Variants in CLIC3 observed in about 807,000 individuals in gnomAD.
CLIC3 encodes CLIC family member 3.
CLIC3 carries 29 observed loss-of-function variants against 19.9 expected under a neutral mutation model. That is an observed-to-expected ratio of 1.46 (90% confidence interval 1.09 to 1.99). The LOEUF (loss-of-function observed/expected upper bound fraction) is 1.99. CLIC3 is among the 30% of genes most tolerant of loss of function. The pLI is 0.00. For missense variants in CLIC3, 365 were observed against 342.6 expected, an observed-to-expected ratio of 1.07 and a Z score of -0.52; for synonymous variants, 143 against 156.4, an observed-to-expected ratio of 0.91 and a Z score of 0.64.
rs1242313237 is a variant in CLIC3, at chr9:136,994,804, G to A, written c.588C>T (p.Pro196=). Residue 196 remains proline, a synonymous_variant, in exon 6 of 6, where the codon CCC becomes CCT. Transcript: ENST00000494426. The part of the protein sequence containing the change: ...VCAHFRQAPI[P]AELRGVRRYL... ...AGCGGCGTACGCCGCGCAGCTCCGC[G>A]GGGATGGGCGCCTGGCGGAAGTGCG... is the stretch of plus-strand genomic sequence containing the variant. The A allele has an allele frequency of 6.3e-7, 1 of 1,587,120 alleles. No homozygotes were observed. The highest frequency in any genetic ancestry group is 1.3e-5 in the African/African-American group (1 of 74,260).
Position 136,996,561 on chromosome 9 carries a change from T to G in CLIC3, c.-18A>C. On this transcript the variant is annotated 5_prime_UTR_variant, in exon 1 of 6. Coordinates refer to ENST00000494426, the MANE Select transcript of CLIC3 (RefSeq NM_004669.3). The stretch of plus-strand genomic sequence containing the variant: ...TCCGCCATGGTGGGAGCTGCCGCGG[T>G]CAGGCGCGGGTGGGGACCTGGGGAG... 7.7e-6 allele frequency: 12 copies of G among 1,552,214 alleles called. No individual in the cohort carries two copies. The highest frequency in any genetic ancestry group is 1.0e-5 in the Non-Finnish European group (12 of 1,147,480).
Position 136,995,015 on chromosome 9 carries a change from A to C in CLIC3, c.467T>G (p.Leu156Arg), listed in dbSNP as rs757765288. The change falls in exon 5 of 6, where the codon CTG (leucine) becomes CGG (arginine). Residue 156 changes from leucine to arginine, a missense_variant. By Grantham distance (102) the Leu-to-Arg change is moderately radical (BLOSUM62 -2). Transcript: ENST00000494426. Reference sequence around the variant, plus strand: ...CAGGAAGCGGCGGCGGGACTCGCGCAGCTGCGGCTCCCCCGCCAGCTCGTG... The same window carrying C: ...CAGGAAGCGGCGGCGGGACTCGCGCCGCTGCGGCTCCCCCGCCAGCTCGTG... The part of the protein sequence containing the change: ...LEHELAGEPQ[L>R]RESRRRFLDG... 1.3e-6 allele frequency: 2 copies of C among 1,505,792 alleles called. No homozygotes were observed. Among genetic ancestry groups the C allele is most frequent in the South Asian group, 2.5e-5 (2 of 80,836 alleles). The allele number at this position is 1,505,792 out of a possible 1,614,324, so 93.3% of individuals were successfully genotyped here. A position where few individuals can be genotyped will look rare whatever the true frequency, so the allele number is the denominator to read the frequency against.
chr9:136,995,467 G>C lies in CLIC3; in HGVS notation c.244C>G (p.Leu82Val), dbSNP rs374558339. The change falls in exon 3 of 6, where the codon CTG (leucine) becomes GTG (valine). Residue 82 changes from leucine (L) to valine (V), a missense_variant. Leu to Val is a conservative substitution (Grantham distance 32). Coordinates refer to ENST00000494426, the MANE Select transcript of CLIC3 (RefSeq NM_004669.3). ...TCGGGCGGCCCCAGCGTCTCCTCCA[G>C]AAAGTCCTCGATCTGCAGCGTGTCT... ...KTDTLQIEDF[L>V]EETLGPPDFP... is the part of the protein sequence containing the mutation. 7 of 1,612,502 alleles carry C rather than the reference G, an allele frequency of 4.3e-6. No individual in the cohort carries two copies. In the African/African-American group the frequency reaches 8.0e-5, roughly 18 times the overall value.
At chr9:136,995,353 T>A in intron 3 of CLIC3, 61 bp from the exon 4 acceptor site, 1 of 1,609,446 alleles carries the variant, frequency 6.2e-7, no homozygotes, top group South Asian at 1.1e-5. Context: ...GGCCCCACAG[T>A]ACCCCCACAG....
At chr9:136,995,622 C>G in intron 2 of CLIC3, 26 bp downstream of exon 2, 1 of 1,608,916 alleles carries the variant, frequency 6.2e-7, no homozygotes. Flanking sequence ...CGAGGCCAGG[C>G]GGGGGTCCAC....
intron 1 of CLIC3, 21 bp downstream of exon 1, chr9:136,996,490 G>A (rs200825202): frequency 9.7e-6 from 15 of 1,552,460 alleles, no homozygotes; most frequent in South Asian, 1.2e-5. Context: ...CACCCTCCCC[G>A]CAGCTGAGTC....
At position 136,995,741 on chromosome 9, in the gene CLIC3, TC is replaced by T. The variant is rs1231874739; in HGVS notation, c.49del (p.Glu17ArgfsTer37). 2 of 1,467,826 alleles carry T rather than the reference TC, an allele frequency of 1.4e-6. No homozygotes were observed. The highest frequency in any genetic ancestry group is 1.9e-5 in the Admixed American group (1 of 52,758). The allele number at this position is 1,467,826 out of a possible 1,614,324, so 90.9% of individuals were successfully genotyped here. On this transcript the variant is annotated frameshift_variant, in exon 2 of 6. Coordinates refer to ENST00000494426, the MANE Select transcript of CLIC3 (RefSeq NM_004669.3). LOFTEE classifies it high-confidence loss of function. ...QLFVKASEDG[E>X]SVGHCPSCQR... is the part of the protein sequence containing the mutation. Reference sequence around the variant, plus strand: ...GCAGGAGGGGCAGTGACCCACGCTCTCCCCGTCCTCACTCGCCTGGGTGGGT... The same window carrying T: ...GCAGGAGGGGCAGTGACCCACGCTCTCCCGTCCTCACTCGCCTGGGTGGGT...
intron 1 of CLIC3, 26 bp downstream of exon 1, chr9:136,996,485 T>G (rs560740663): frequency 6.4e-7 from 1 of 1,550,964 alleles, no homozygotes; most frequent in South Asian, 1.2e-5. Flanking sequence ...CCAGACACCC[T>G]CCCCGCAGCT....
intron 1 of CLIC3, 37 bp downstream of exon 1, chr9:136,996,474 C>T (rs1159378760): frequency 1.7e-5 from 26 of 1,547,352 alleles, no homozygotes; most frequent in Admixed American, 1.2e-4. Context: ...AGCGCTTCCT[C>T]CCAGACACCC....
Position 136,995,749 on chromosome 9 carries a change from C to G in CLIC3, c.42G>C (p.Glu14Asp). ...TKLQLFVKAS[E>D]DGESVGHCPS... ...GGCAGTGACCCACGCTCTCCCCGTC[C>G]TCACTCGCCTGGGTGGGTGGAGCGG... The change falls in exon 2 of 6, where the codon GAG (glutamate) becomes GAC (aspartate). Residue 14 changes from glutamate to aspartate, a missense_variant. Transcript: ENST00000494426. 1.3e-6 allele frequency: 2 copies of G among 1,568,788 alleles called. No individual in the cohort carries two copies. Among genetic ancestry groups the G allele is most frequent in the South Asian group, 2.3e-5 (2 of 85,960 alleles).
Position 136,994,820 on chromosome 9 carries a change from C to T in CLIC3, c.572G>A (p.Arg191His), listed in dbSNP as rs752093653. Residue 191 changes from arginine to histidine, a missense_variant, in exon 6 of 6, where the codon CGC becomes CAC. Arg to His is a conservative substitution (Grantham distance 29). Transcript: ENST00000494426. ...HIVDTVCAHF[R>H]QAPIPAELRG... ...CAGCTCCGCGGGGATGGGCGCCTGG[C>T]GGAAGTGCGCGCACACCGTCTGCGG... 8.3e-6 allele frequency: 13 copies of T among 1,575,588 alleles called. No individual in the cohort carries two copies. In the South Asian group the frequency reaches 1.0e-4, roughly 13 times the overall value.
Position 136,995,181 on chromosome 9 carries a change from T to A in CLIC3, c.376+5A>T. ...TGGGCACCCGACCCCCTGACCCCGC[T>A]TCACCTTCGTCCTGCGCGGGCACCG... On this transcript the variant is annotated splice_donor_5th_base_variant and intron_variant, in intron 4 of 5. Transcript: ENST00000494426. The A allele has an allele frequency of 1.2e-6, 2 of 1,611,202 alleles. No individual in the cohort carries two copies. The highest frequency in any genetic ancestry group is 4.5e-5 in the East Asian group (2 of 44,844).
chr9:136,995,480 C>T lies in CLIC3; in HGVS notation c.231G>A (p.Gln77=). The change falls in exon 3 of 6, where the codon CAG becomes CAA. Residue 77 remains glutamine (Q), a synonymous_variant. Transcript: ENST00000494426. Reference sequence around the variant, plus strand: ...GCGTCTCCTCCAGAAAGTCCTCGATCTGCAGCGTGTCTGTCTTGGCGTCGC... The same window carrying T: ...GCGTCTCCTCCAGAAAGTCCTCGATTTGCAGCGTGTCTGTCTTGGCGTCGC... ...YDSDAKTDTL[Q]IEDFLEETLG... is the part of the protein sequence containing the mutation. 1 of 1,612,666 alleles carries T rather than the reference C, an allele frequency of 6.2e-7. No individual in the cohort carries two copies. Among genetic ancestry groups the T allele is most frequent in the African/African-American group, 1.3e-5 (1 of 75,048 alleles).
Position 136,994,768 on chromosome 9 carries a change from G to A in CLIC3, c.624C>T (p.Ser208=), listed in dbSNP as rs769620075. Residue 208 remains serine (S), a synonymous_variant, in exon 6 of 6, where the codon AGC becomes AGT. Transcript: ENST00000494426. The part of the protein sequence containing the change: ...ELRGVRRYLD[S]AMQEKEFKYT... ...ATTTGAACTCTTTCTCCTGCATCGC[G>A]CTGTCCAGGTAGCGGCGTACGCCGC... 6.2e-6 allele frequency: 10 copies of A among 1,602,128 alleles called. No individual in the cohort carries two copies. The East Asian group carries it at 6.8e-5, about 11-fold the overall frequency.
At chr9:136,995,849 A>C in intron 1 of CLIC3, 92 bp from the exon 2 acceptor site, 1 of 869,562 alleles carries the variant, frequency 1.2e-6, no homozygotes, top group Non-Finnish European at 1.8e-6. Context: ...TCCCACTGCC[A>C]GTGGGATTGG....
chr9:136,995,552 CA>C lies in CLIC3; in HGVS notation c.158del (p.Leu53ArgfsTer205). On this transcript the variant is annotated frameshift_variant, in exon 3 of 6. Transcript: ENST00000494426. LOFTEE classifies it high-confidence loss of function. ...GCTGCGAGCCGGGGGCGAAGTCCTT[CA>C]GCACGTCCGGGGACCTGCGGGCAGC... is the stretch of plus-strand genomic sequence containing the variant. ...TVDTRRSPDV[L>X]KDFAPGSQLP... 6.2e-7 allele frequency: 1 copy of C among 1,612,360 alleles called. No homozygotes were observed. Among genetic ancestry groups the C allele is most frequent in the Non-Finnish European group, 8.5e-7 (1 of 1,179,760 alleles).
chr9:136,996,066 T>TGGGCC (rs1830700782), intron 1 of CLIC3, among the ~76,000 whole-genome samples: 1 of 151,948 alleles, frequency 6.6e-6, no homozygotes, highest in Non-Finnish European at 1.5e-5. Context: ...AGGGGTGGGG[T>TGGGCC]GGGCCTCACA....
chr9:136,995,420 C>G (rs1253851410), intron 3 of CLIC3, 22 bp downstream of exon 3: 1 of 1,611,882 alleles, frequency 6.2e-7, no homozygotes, highest in African/African-American at 1.3e-5. Context: ...CTTTTCCCCT[C>G]CCACCCTGCC....
At position 136,995,146 on chromosome 9, in the gene CLIC3, C is replaced by T. The variant is rs1830680718; in HGVS notation, c.376+40G>A. On this transcript the variant is annotated intron_variant, in intron 4 of 5. Transcript: ENST00000494426. ...CGCGGTGAGGACCAGGCCCAGGGCG[C>T]CCTCCCGCCTGGGCACCCGACCCCC... 4 of 1,591,384 alleles carry T rather than the reference C, an allele frequency of 2.5e-6. No homozygotes were observed. In the East Asian group the frequency reaches 9.1e-5, roughly 36 times the overall value.
Sources: gnomAD v4.1 joint callset for allele counts (sites outside exome capture counted in the v4.1 genomes callset) on GRCh38, gnomAD v4.1.1 for gene constraint, MANE v1.5 for transcripts, NCBI Gene and HGNC (gene_info 2026-07-23, HGNC 2026-07-21) for gene names.